Variants in U2AF2 observed in about 807,000 individuals in gnomAD.
The protein encoded by U2AF2 is U2 small nuclear RNA auxiliary factor 2, also known as splicing factor U2AF 65 kDa subunit.
Under a neutral mutation model 52.6 loss-of-function variants are expected in U2AF2, and 6 were observed. That is an observed-to-expected ratio of 0.11 (90% CI 0.06 to 0.23). U2AF2 has a LOEUF of 0.23. Ranked by LOEUF, U2AF2 falls within the 10% of genes least tolerant of loss-of-function variation. U2AF2 has a pLI of 1.00. For synonymous variants in U2AF2, 284 were observed against 258.2 expected (o/e 1.10, Z -0.96); for missense variants, 222 against 677.1 (o/e 0.33, Z 7.46).
At chr19:55,666,401 G>C (rs1357398794) in intron 7 of U2AF2, among the ~76,000 whole-genome samples, 1 of 152,250 alleles carries the variant, frequency 6.6e-6, no homozygotes. Flanking sequence ...CTTGTCCTCA[G>C]TGATGAGTGG....
chr19:55,655,273 T>A, intron 1 of U2AF2, 120 bp downstream of exon 1: 1 of 1,079,502 alleles, frequency 9.3e-7, no homozygotes, highest in South Asian at 1.6e-5. Context: ...CCCCCAACCC[T>A]GGTTCCGTGG....
rs1209189903 is a variant in U2AF2, at chr19:55,674,230, G to T, written c.*162G>T. The T allele has an allele frequency of 2.3e-6, 1 of 443,210 alleles. No individual in the cohort carries two copies. Among genetic ancestry groups the T allele is most frequent in the Non-Finnish European group, 3.7e-6 (1 of 271,200 alleles). 27.5% of individuals were successfully genotyped at this position (443,210 alleles called of 1,614,324 possible). On this transcript the variant is annotated 3_prime_UTR_variant, in exon 12 of 12. Transcript: ENST00000308924. ...GCAGCAATTAAGGGTGGGGGGCGGGGGTTGGGGGGTTGGGGGGTTAGGGCA... is the reference window on the plus strand; with the variant it reads ...GCAGCAATTAAGGGTGGGGGGCGGGTGTTGGGGGGTTGGGGGGTTAGGGCA...
chr19:55,661,591 C>T (rs1984207924), intron 5 of U2AF2, among the ~76,000 whole-genome samples: 1 of 151,474 alleles, frequency 6.6e-6, no homozygotes, highest in African/African-American at 2.4e-5. Flanking sequence ...TCGTTCTCTG[C>T]CGCCTGTCCC....
rs147043069 is a variant in U2AF2 at position 55,669,644 on chromosome 19, C to T, written c.1245C>T (p.Ile415=). Residue 415 remains isoleucine, a synonymous_variant, in exon 11 of 12, where the codon ATC becomes ATT. Coordinates refer to ENST00000308924, the MANE Select transcript of U2AF2 (RefSeq NM_007279.3). Reference sequence around the variant, plus strand: ...GCAAGTACGGGCTTGTCAAGTCCATCGAGATCCCCCGGCCTGTGGACGGCG... The same window carrying T: ...GCAAGTACGGGCTTGTCAAGTCCATTGAGATCCCCCGGCCTGTGGACGGCG... ...ECSKYGLVKS[I]EIPRPVDGVE... 16 of 1,612,676 alleles carry T rather than the reference C, an allele frequency of 9.9e-6. No individual in the cohort carries two copies. In the African/African-American group the frequency reaches 1.5e-4, roughly 15 times the overall value.
At position 55,668,643 on chromosome 19, in the gene U2AF2, G is replaced by T; in HGVS notation, c.823-27G>T. 1 of 1,273,860 alleles carries T rather than the reference G, an allele frequency of 7.9e-7. No individual in the cohort carries two copies. The highest frequency in any genetic ancestry group is 1.1e-6 in the Non-Finnish European group (1 of 934,068). 78.9% of individuals were successfully genotyped at this position (1,273,860 alleles called of 1,614,324 possible). On this transcript the variant is annotated intron_variant, in intron 8 of 11. Coordinates refer to ENST00000308924, the MANE Select transcript of U2AF2 (RefSeq NM_007279.3). This position sits in a 1 kb window ranked among gnomAD's most constrained non-coding sequence, Gnocchi z 5.5. ...CCCCACCCCGCCCCACCTCATCCCAGCCCTGATGGACTCTCGGCTACTGCA... is the reference window on the plus strand; with the variant it reads ...CCCCACCCCGCCCCACCTCATCCCATCCCTGATGGACTCTCGGCTACTGCA...
At position 55,660,228 on chromosome 19, in the gene U2AF2, T is replaced by C. The variant is rs748667062; in HGVS notation, c.230+7T>C. On this transcript the variant is annotated splice_region_variant and intron_variant, in intron 3 of 11. Coordinates refer to ENST00000308924, the MANE Select transcript of U2AF2 (RefSeq NM_007279.3). ...AGGAGCACGGTGGACTGATGTGAGC[T>C]TCTCTTCCTGCCCCTTCCTCCCTGA... is the stretch of plus-strand genomic sequence containing the variant. The C allele has an allele frequency of 6.2e-7, 1 of 1,607,066 alleles. No individual in the cohort carries two copies. Among genetic ancestry groups the C allele is most frequent in the South Asian group, 1.1e-5 (1 of 90,762 alleles).
chr19:55,656,000 G>A (rs1259163383), intron 1 of U2AF2, among the ~76,000 whole-genome samples: 1 of 152,212 alleles, frequency 6.6e-6, no homozygotes, highest in East Asian at 1.9e-4. Flanking sequence ...CAGGTTCTGA[G>A]GGAGGAAGAG....
intron 1 of U2AF2, among the ~76,000 whole-genome samples, chr19:55,656,073 G>A (rs1353827535): frequency 1.3e-5 from 2 of 152,188 alleles, no homozygotes; most frequent in African/African-American, 4.8e-5. Context: ...GTTCCCTTCA[G>A]GGTATCGAAA....
chr19:55,669,798 C>A, intron 11 of U2AF2, 106 bp downstream of exon 11: 1 of 1,432,416 alleles, frequency 7.0e-7, no homozygotes. Flanking sequence ...TCCTCTTCTC[C>A]GCGCGCTCTT....
At chr19:55,661,369 C>T (rs1984180023) in intron 5 of U2AF2, 180 bp downstream of exon 5, 4 of 577,302 alleles carry the variant, frequency 6.9e-6, no homozygotes, top group Non-Finnish European at 1.1e-5. Context: ...GGGTGGCCCT[C>T]CCTCCCTCCT....
At chr19:55,663,814 G>C in intron 7 of U2AF2, 70 bp downstream of exon 7, 1 of 1,592,650 alleles carries the variant, frequency 6.3e-7, no homozygotes, top group Non-Finnish European at 8.6e-7. Flanking sequence ...CATCCCTTCA[G>C]CCCAGCTGGA....
intron 5 of U2AF2, 33 bp from the exon 6 acceptor site, chr19:55,662,469 C>CGG: frequency 8.5e-7 from 1 of 1,172,316 alleles, no homozygotes; most frequent in Non-Finnish European, 1.2e-6. Flanking sequence ...TCCCTTCCCC[C>CGG]GCCCCCCCCC....
chr19:55,662,715 A>G, intron 6 of U2AF2, 97 bp downstream of exon 6: 1 of 1,077,552 alleles, frequency 9.3e-7, no homozygotes, highest in Non-Finnish European at 1.4e-6. Flanking sequence ...TGCTGTTTCC[A>G]CCAGGCCCTC....
At chr19:55,656,495 A>T (rs1983805061) in intron 1 of U2AF2, among the ~76,000 whole-genome samples, 1 of 151,986 alleles carries the variant, frequency 6.6e-6, no homozygotes, top group Admixed American at 6.6e-5. Context: ...ACGTTTATAT[A>T]TTTTTTTCCA....
In U2AF2 at chr19:55,661,327, G is replaced by A. The variant is rs913550699; in HGVS notation, c.486+138G>A. ...CCCCCGGCCCCCTCCCAGACGGACC[G>A]ATGGAGTTGAGCCAGCCAGGGGCCG... On this transcript the variant is annotated intron_variant, in intron 5 of 11. Transcript: ENST00000308924. 15 of 1,002,212 alleles carry A rather than the reference G, an allele frequency of 1.5e-5. No individual in the cohort carries two copies. In the Admixed American group the frequency reaches 2.2e-4, roughly 15 times the overall value. The allele number at this position is 1,002,212 out of a possible 1,614,324, so 62.1% of individuals were successfully genotyped here. A position where few individuals can be genotyped will look rare whatever the true frequency, so the allele number is the denominator to read the frequency against.
chr19:55,667,190 A>G (rs1471571391), intron 7 of U2AF2, among the ~76,000 whole-genome samples: 2 of 152,022 alleles, frequency 1.3e-5, no homozygotes, highest in African/African-American at 4.8e-5. Context: ...TTGAGTGAGT[A>G]GGTGGGAGAG....
At chr19:55,661,709 C>A in intron 5 of U2AF2, 1 of 156,118 alleles carries the variant, frequency 6.4e-6, no homozygotes. Context: ...CTCCCCAACC[C>A]CTTCCTGTGG....
At chr19:55,660,859 C>A (rs974539539) in intron 4 of U2AF2, among the ~76,000 whole-genome samples, 179 bp from the exon 5 acceptor site, 1 of 152,076 alleles carries the variant, frequency 6.6e-6, no homozygotes, top group Non-Finnish European at 1.5e-5. Context: ...AGTGAGGCTT[C>A]TGAGGAGCAG....
intron 11 of U2AF2, among the ~76,000 whole-genome samples, chr19:55,670,092 C>T (rs1312081857): frequency 2.0e-5 from 3 of 152,096 alleles, no homozygotes; most frequent in Non-Finnish European, 4.4e-5. Context: ...CTGCTGGTGT[C>T]TCCTGTGTGC....
Sources: gnomAD v4.1 joint callset for allele counts (sites outside exome capture counted in the v4.1 genomes callset) on GRCh38, gnomAD v4.1.1 for gene constraint, Gnocchi (gnomAD v3.1) non-coding constraint, MANE v1.5 for transcripts, NCBI Gene and HGNC (gene_info 2026-07-23, HGNC 2026-07-21) for gene names.